BTC: variants seen among roughly 807,000 people sequenced by gnomAD.
BTC encodes betacellulin.
BTC carries 13 observed loss-of-function variants against 18.1 expected under a neutral mutation model. The observed-to-expected ratio is 0.72, with a 90% CI of 0.47 to 1.14. The LOEUF is 1.14. Ranked by LOEUF, BTC falls within the 50% of genes most tolerant of loss-of-function variation. The pLI, the probability that BTC is intolerant of heterozygous loss-of-function variation, is 0.00. For synonymous variants in BTC, 83 were observed against 79.4 expected (o/e 1.05, Z -0.24); for missense variants, 247 against 224.2 (o/e 1.10, Z -0.65).
At chr4:74,757,358 G>A (rs1724628190) in intron 2 of BTC, among the ~76,000 whole-genome samples, 2 of 152,184 alleles carry the variant, frequency 1.3e-5, no homozygotes, top group Non-Finnish European at 2.9e-5. Context: ...GAATCTCACT[G>A]AGGAACTGGC....
chr4:74,749,483 A>AAATAAGT (rs1553955858), intron 4 of BTC, among the ~76,000 whole-genome samples: 1 of 143,666 alleles, frequency 7.0e-6, no homozygotes, highest in Non-Finnish European at 1.5e-5. Context: ...ACTCTGTCTC[A>AAATAAGT]AAATAAATAA....
intron 1 of BTC, among the ~76,000 whole-genome samples, chr4:74,792,566 T>C (rs995630485): frequency 1.3e-5 from 2 of 152,196 alleles, no homozygotes; most frequent in African/African-American, 4.8e-5. Flanking sequence ...TCAAGCCCTG[T>C]GATGGTGTGT....
At chr4:74,753,731 T>A (rs1408739850) in intron 3 of BTC, among the ~76,000 whole-genome samples, 1 of 152,146 alleles carries the variant, frequency 6.6e-6, no homozygotes, top group African/African-American at 2.4e-5. Context: ...ACCACTCATC[T>A]CATAGCTTCT....
intron 2 of BTC, among the ~76,000 whole-genome samples, chr4:74,757,401 C>T (rs1233358718): frequency 6.6e-6 from 1 of 152,132 alleles, no homozygotes; most frequent in Non-Finnish European, 1.5e-5. Context: ...TGATAACCAC[C>T]TATGCTGACT....
At chr4:74,748,223 C>A in intron 4 of BTC, 74 bp from the exon 5 acceptor site, 2 of 920,830 alleles carry the variant, frequency 2.2e-6, no homozygotes, top group Non-Finnish European at 3.3e-6. Context: ...ATCAAGAGAT[C>A]CTATGATCAG....
intron 1 of BTC, among the ~76,000 whole-genome samples, chr4:74,779,184 A>G (rs2109910573): frequency 6.6e-6 from 1 of 152,298 alleles, no homozygotes; most frequent in Non-Finnish European, 1.5e-5. Flanking sequence ...GAAAGGCTAA[A>G]ACTGATTGAT....
intron 4 of BTC, among the ~76,000 whole-genome samples, chr4:74,749,745 C>CAAAAAAA (rs71220725): frequency 1.8e-5 from 1 of 54,902 alleles, no homozygotes; most frequent in African/African-American, 7.8e-5. Context: ...TCCTGCTCTG[C>CAAAAAAA]AAAAAAAAAA....
chr4:74,749,194 C>G (rs1170549259), intron 4 of BTC, among the ~76,000 whole-genome samples: 3 of 151,972 alleles, frequency 2.0e-5, no homozygotes, highest in Non-Finnish European at 4.4e-5. Context: ...CTTTGGGATG[C>G]CGAGGTAGGT....
rs1388169610 is a variant in BTC, at chr4:74,746,513, C to A, written c.*164G>T. ...AGACAATATACATATAATTAATGTT[C>A]TTATTAAAAAATAATAACACAAACT... On this transcript the variant is annotated 3_prime_UTR_variant, in exon 6 of 6. Coordinates refer to ENST00000395743, the MANE Select transcript of BTC (RefSeq NM_001729.4). 1 of 152,360 alleles carries A rather than the reference C, an allele frequency of 6.6e-6. No individual in the cohort carries two copies. Among genetic ancestry groups the A allele is most frequent in the Non-Finnish European group, 1.5e-5 (1 of 67,982 alleles). 9.4% of individuals were successfully genotyped at this position (152,360 alleles called of 1,614,324 possible).
chr4:74,788,163 C>T (rs1379369936), intron 1 of BTC, among the ~76,000 whole-genome samples: 1 of 152,198 alleles, frequency 6.6e-6, no homozygotes, highest in African/African-American at 2.4e-5. Flanking sequence ...ATCAATAATT[C>T]AGGATTCCGA....
chr4:74,789,131 C>T (rs1725556347), intron 1 of BTC, among the ~76,000 whole-genome samples: 2 of 152,206 alleles, frequency 1.3e-5, no homozygotes, highest in South Asian at 4.1e-4. Flanking sequence ...ACCTACTATA[C>T]ATAGGAACTG....
intron 1 of BTC, among the ~76,000 whole-genome samples, chr4:74,790,342 G>A (rs112602235): frequency 2.8e-3 from 421 of 152,228 alleles, no homozygotes; most frequent in African/African-American, 9.4e-3. Flanking sequence ...TTTAATTCAC[G>A]TAATTGCATT....
chr4:74,772,286 T>C (rs939111131), intron 1 of BTC, among the ~76,000 whole-genome samples: 2 of 152,200 alleles, frequency 1.3e-5, no homozygotes, highest in African/African-American at 4.8e-5. Context: ...CTCTTGTGAA[T>C]TGCAATTTGG....
rs1577976255 is a variant in BTC, at chr4:74,794,176, T to C, written c.64+86A>G. On this transcript the variant is annotated intron_variant, in intron 1 of 5. Transcript: ENST00000395743. ...GCCCCAGCGCGCCCTCTTGTCCAGA[T>C]GCCAGCTCGGTTCAGGGTTCGCCCT... is the stretch of plus-strand genomic sequence containing the variant. 5.9e-5 allele frequency: 89 copies of C among 1,514,084 alleles called. 1 individual carries two copies. The South Asian group carries it at 9.9e-4, about 17-fold the overall frequency. 93.8% of individuals were successfully genotyped at this position (1,514,084 alleles called of 1,614,324 possible). A position where few individuals can be genotyped will look rare whatever the true frequency, so the allele number is the denominator to read the frequency against.
Position 74,779,363 on chromosome 4 carries a change from T to G in BTC, c.65-9207A>C, listed in dbSNP as rs151256084. Among the ~76,000 whole-genome samples the G allele has an allele frequency of 2.0e-5, 3 of 152,290 alleles. No homozygotes were observed. The East Asian group carries it at 5.8e-4, about 29-fold the overall frequency. ...AACCTTTTTTTTACTATTACCATTA[T>G]TAAATCTGTGACAAATTGATTGAAT... On this transcript the variant is annotated intron_variant, in intron 1 of 5. Transcript: ENST00000395743.
intron 1 of BTC, among the ~76,000 whole-genome samples, chr4:74,775,188 G>A (rs1378176888): frequency 1.3e-5 from 2 of 152,106 alleles, no homozygotes; most frequent in African/African-American, 4.8e-5. Context: ...TTGGAGCAAA[G>A]CCAAGCTGCA....
intron 1 of BTC, among the ~76,000 whole-genome samples, chr4:74,784,041 T>C (rs1166345748): frequency 1.3e-5 from 2 of 151,882 alleles, no homozygotes; most frequent in East Asian, 3.9e-4. Context: ...GAGACGAGCC[T>C]GGCCAACATG....
intron 1 of BTC, among the ~76,000 whole-genome samples, chr4:74,775,171 C>T (rs1382785776): frequency 6.6e-6 from 1 of 152,020 alleles, no homozygotes; most frequent in Non-Finnish European, 1.5e-5. Flanking sequence ...GGTATAGATC[C>T]ACAACTTTGG....
intron 1 of BTC, among the ~76,000 whole-genome samples, chr4:74,770,910 CGTGTAT>C (rs1411866853): frequency 2.2e-5 from 3 of 135,734 alleles, no homozygotes; most frequent in African/African-American, 3.4e-5. Flanking sequence ...GGGTCTATAT[CGTGTAT>C]GTGTGTGTGT....
Sources: gnomAD v4.1 joint callset for allele counts (sites outside exome capture counted in the v4.1 genomes callset) on GRCh38, gnomAD v4.1.1 for gene constraint, MANE v1.5 for transcripts, NCBI Gene and HGNC (gene_info 2026-07-23, HGNC 2026-07-21) for gene names.